Variants in TNKS observed in about 807,000 individuals in gnomAD.
TNKS encodes poly [ADP-ribose] polymerase tankyrase-1.
Under a neutral mutation model 135.8 loss-of-function variants are expected in TNKS, and 72 were observed. That is an observed-to-expected ratio of 0.53 (90% confidence interval 0.44 to 0.64). TNKS has a LOEUF of 0.64. TNKS is among the 30% of genes least tolerant of loss of function. TNKS has a pLI of 0.00. For missense variants in TNKS, 1,769 were observed against 1,674.0 expected (o/e 1.06, Z -0.99); for synonymous variants, 849 against 649.3 (o/e 1.31, Z -4.68).
chr8:9,749,701 G>A (rs114811265), intron 18 of TNKS, among the ~76,000 whole-genome samples: 116 of 152,074 alleles, frequency 7.6e-4, no homozygotes, highest in African/African-American at 2.7e-3. Flanking sequence ...GGTTAGTCTT[G>A]AACTTCTGGG....
chr8:9,662,226 G>C (rs554698784), intron 3 of TNKS, among the ~76,000 whole-genome samples: 5,243 of 152,130 alleles, frequency 0.034, 199 homozygotes, highest in African/African-American at 0.099. Context: ...ACCATTTGAC[G>C]CAGCCATCCC....
Position 9,763,071 on chromosome 8 carries a change from T to G in TNKS, c.3275-76T>G, listed in dbSNP as rs2128834933. 3 of 611,996 alleles carry G rather than the reference T, an allele frequency of 4.9e-6. No homozygotes were observed. In the Admixed American group the frequency reaches 1.2e-4, roughly 25 times the overall value. 37.9% of individuals were successfully genotyped at this position (611,996 alleles called of 1,614,324 possible). On this transcript the variant is annotated intron_variant, in intron 21 of 26. Transcript: ENST00000310430. ...TCAATTACTTATTATGAATTTTTTT[T>G]TTTTTTTTTTTTTTATAAAATAGAG...
chr8:9,679,980 G>T lies in TNKS; in HGVS notation c.1024G>T (p.Ala342Ser), dbSNP rs201842298. 10 of 1,612,500 alleles carry T rather than the reference G, an allele frequency of 6.2e-6. No homozygotes were observed. In the East Asian group the frequency reaches 2.0e-4, roughly 32 times the overall value. Reference sequence around the variant, plus strand: ...ATACAAGAAAGACGAACTCCTAGAAGCTGCTAGGTAAGTGATTCCATTCAT... The same window carrying T: ...ATACAAGAAAGACGAACTCCTAGAATCTGCTAGGTAAGTGATTCCATTCAT... ...GEYKKDELLE[A>S]ARSGNEEKLM... is the part of the protein sequence containing the mutation. The change falls in exon 4 of 27, where the codon GCT becomes TCT. Residue 342 changes from alanine (A) to serine (S), a missense_variant. This residue lies in a region of TNKS where 523 missense variants were observed against 541.0 expected (regional missense o/e 0.97). Transcript: ENST00000310430.
At position 9,720,601 on chromosome 8, in the gene TNKS, A is replaced by G. The variant is rs1026039228; in HGVS notation, c.1921+56A>G. On this transcript the variant is annotated intron_variant, in intron 12 of 26. Transcript: ENST00000310430. ...ATGTTTTCTCTTCCATCCCTGCTGA[A>G]ATACACAGACAAACTTTGCAGTGTT... The G allele has an allele frequency of 3.9e-6, 6 of 1,529,642 alleles. No homozygotes were observed. In the African/African-American group the frequency reaches 8.3e-5, roughly 21 times the overall value. 94.8% of individuals were successfully genotyped at this position (1,529,642 alleles called of 1,614,324 possible).
At chr8:9,707,778 G>A (rs1480407297) in intron 8 of TNKS, among the ~76,000 whole-genome samples, 1 of 152,090 alleles carries the variant, frequency 6.6e-6, no homozygotes, top group African/African-American at 2.4e-5. Flanking sequence ...AAATTTTCAA[G>A]CTCTGCATTT....
rs1554476739 is a variant in TNKS, at chr8:9,717,103, T to TATATATATATATATATTTA, written c.1750-3271_1750-3270insATATATATATATATATTTA. Among the ~76,000 whole-genome samples, 187 of 39,238 alleles carry TATATATATATATATATTTA rather than the reference T, an allele frequency of 4.8e-3. 6 individuals carry two copies. Among genetic ancestry groups the TATATATATATATATATTTA allele is most frequent in the Middle Eastern group, 0.042 (2 of 48 alleles). 25.7% of individuals were successfully genotyped at this position (39,238 alleles called of 152,430 possible). A position where few individuals can be genotyped will look rare whatever the true frequency, so the allele number is the denominator to read the frequency against. ...TATATATATATATATATATATATAT[T>TATATATATATATATATTTA]TTCAGGGAATTTGATTGTTTCTTTT... On this transcript the variant is annotated intron_variant, in intron 11 of 26. Coordinates refer to ENST00000310430, the MANE Select transcript of TNKS (RefSeq NM_003747.3).
intron 5 of TNKS, among the ~76,000 whole-genome samples, chr8:9,693,871 T>G (rs568133455): frequency 6.6e-6 from 1 of 152,258 alleles, no homozygotes; most frequent in South Asian, 2.1e-4. Flanking sequence ...AGAAACTGAT[T>G]TACATTGCCT....
At chr8:9,586,413 T>G (rs1429972240) in intron 2 of TNKS, among the ~76,000 whole-genome samples, 1 of 152,198 alleles carries the variant, frequency 6.6e-6, no homozygotes, top group Non-Finnish European at 1.5e-5. Context: ...GTAATAGGAT[T>G]TCTGCTGTTT....
At chr8:9,771,681 GA>G (rs1807881323) in intron 26 of TNKS, among the ~76,000 whole-genome samples, 1 of 118,068 alleles carries the variant, frequency 8.5e-6, no homozygotes, top group African/African-American at 3.6e-5. Context: ...AAGGGAGGGA[GA>G]GAGAGAGAGA....
intron 14 of TNKS, among the ~76,000 whole-genome samples, chr8:9,731,460 C>CAAAAAA (rs36213271): frequency 1.2e-4 from 8 of 67,520 alleles, no homozygotes; most frequent in East Asian, 5.3e-4. Context: ...AATTCCATCT[C>CAAAAAA]AAAAAAAAAA....
intron 1 of TNKS, chr8:9,558,745 CAAGCT>C (rs1466639412): frequency 6.6e-6 from 1 of 152,142 alleles, no homozygotes; most frequent in East Asian, 1.9e-4. Context: ...GTAGTTATGA[CAAGCT>C]AACCTTGAAT....
chr8:9,697,843 T>C (rs997994086), intron 5 of TNKS, among the ~76,000 whole-genome samples: 4 of 152,260 alleles, frequency 2.6e-5, no homozygotes, highest in South Asian at 2.1e-4. Flanking sequence ...GAATGCAGTT[T>C]GGAAATTTCT....
At chr8:9,706,546 A>G (rs553202080) in intron 7 of TNKS, among the ~76,000 whole-genome samples, 8 of 152,268 alleles carry the variant, frequency 5.3e-5, no homozygotes, top group Admixed American at 1.3e-4. Flanking sequence ...TGTTTTTTGT[A>G]GAGACGAGGT....
intron 18 of TNKS, among the ~76,000 whole-genome samples, chr8:9,751,014 T>G (rs1563209291): frequency 6.6e-6 from 1 of 152,240 alleles, no homozygotes; most frequent in East Asian, 1.9e-4. Flanking sequence ...ATGTCACTTC[T>G]TCTCCATTCT....
At chr8:9,654,096 A>T (rs1034422263) in intron 3 of TNKS, among the ~76,000 whole-genome samples, 2 of 152,342 alleles carry the variant, frequency 1.3e-5, no homozygotes, top group South Asian at 4.1e-4. Context: ...TCAGCCAAAT[A>T]TCTATACCTG....
intron 1 of TNKS, chr8:9,556,983 G>A (rs1490916484): frequency 4.8e-6 from 2 of 413,114 alleles, no homozygotes; most frequent in South Asian, 4.9e-5. Context: ...GTTTTTACAA[G>A]GGTATGTCCT....
intron 3 of TNKS, among the ~76,000 whole-genome samples, chr8:9,647,035 C>T (rs1563139899): frequency 6.6e-6 from 1 of 152,154 alleles, no homozygotes; most frequent in Non-Finnish European, 1.5e-5. Context: ...TGCAAAACTC[C>T]ATTTTCTAGC....
intron 9 of TNKS, among the ~76,000 whole-genome samples, chr8:9,709,046 A>T (rs1024474822): frequency 6.6e-6 from 1 of 152,166 alleles, no homozygotes; most frequent in Non-Finnish European, 1.5e-5. Flanking sequence ...TGTCATTGAC[A>T]CATTAAGGCT....
rs770531920 is a variant in TNKS at position 9,763,241 on chromosome 8, A to G, written c.3369A>G (p.Glu1123=). Residue 1123 remains glutamate, a synonymous_variant, in exon 22 of 27, where the codon GAA becomes GAG. Coordinates refer to ENST00000310430, the MANE Select transcript of TNKS (RefSeq NM_003747.3). ...PEDKEYQSVE[E]EMQSTIREHR... ...ATAAAGAATATCAGTCAGTGGAAGAAGAGGTAATATACATCAGAAATCTTT... is the reference window on the plus strand; with the variant it reads ...ATAAAGAATATCAGTCAGTGGAAGAGGAGGTAATATACATCAGAAATCTTT... 8.2e-6 allele frequency: 13 copies of G among 1,593,164 alleles called. No individual in the cohort carries two copies. The African/African-American group carries it at 1.1e-4, about 13-fold the overall frequency.
Sources: allele counts gnomAD v4.1 joint callset (sites outside exome capture counted in the v4.1 genomes callset), GRCh38; gene constraint gnomAD v4.1.1; regional missense constraint gnomAD v4.1.1; transcripts MANE v1.5; gene names NCBI Gene and HGNC (gene_info 2026-07-23, HGNC 2026-07-21).